ISL2: variants seen among roughly 807,000 people sequenced by gnomAD.
ISL2 encodes the protein insulin gene enhancer protein ISL-2.
Under a neutral mutation model 34.6 loss-of-function variants are expected in ISL2, and 17 were observed. That is an observed-to-expected ratio of 0.49 (90% CI 0.34 to 0.74). ISL2 has a LOEUF of 0.74. Among genes scored for constraint, ISL2 ranks in the 30% least tolerant of loss-of-function variants. ISL2 has a pLI of 0.01. For synonymous variants in ISL2, 232 were observed against 225.5 expected (o/e 1.03, Z -0.26); for missense variants, 469 against 515.2 (o/e 0.91, Z 0.87).
chr15:76,341,591 TC>T, intron 5 of ISL2, 127 bp from the exon 6 acceptor site: 1 of 746,386 alleles, frequency 1.3e-6, no homozygotes, highest in Admixed American at 2.1e-5. Flanking sequence ...GGCCTCCTTC[TC>T]CGCAGGGCTT....
At chr15:76,340,196 G>T in intron 3 of ISL2, 80 bp from the exon 4 acceptor site, 3 of 1,455,002 alleles carry the variant, frequency 2.1e-6, no homozygotes, top group Non-Finnish European at 2.7e-6. Flanking sequence ...GCCCCGGGGG[G>T]CTGGGCCACC....
intron 3 of ISL2, chr15:76,339,861 C>G: frequency 9.8e-7 from 1 of 1,016,792 alleles, no homozygotes; most frequent in Non-Finnish European, 1.2e-6. Context: ...CCTGGGTCCA[C>G]GTCGGTCCCT....
intron 3 of ISL2, 113 bp from the exon 4 acceptor site, chr15:76,340,161 CAG>C: frequency 5.6e-6 from 8 of 1,430,276 alleles, no homozygotes; most frequent in Non-Finnish European, 7.3e-6. Flanking sequence ...ACGAAACAAA[CAG>C]AATAAAACAG....
intron 4 of ISL2, among the ~76,000 whole-genome samples, chr15:76,340,911 C>T (rs1039246350): frequency 7.9e-5 from 12 of 152,266 alleles, no homozygotes; most frequent in Non-Finnish European, 1.3e-4. Flanking sequence ...CTTTCCTCAC[C>T]GGGCGGTTGG....
intron 1 of ISL2, 80 bp downstream of exon 1, chr15:76,337,021 A>C: frequency 7.8e-7 from 1 of 1,285,534 alleles, no homozygotes; most frequent in South Asian, 1.2e-5. Context: ...AAAAATGTTT[A>C]GTGGATTCTA....
At position 76,342,440 on chromosome 15, in the gene ISL2, T is replaced by C. The variant is rs1013121418; in HGVS notation, c.*605T>C. 2 of 152,338 alleles carry C rather than the reference T, an allele frequency of 1.3e-5. No homozygotes were observed. Among genetic ancestry groups the C allele is most frequent in the African/African-American group, 4.8e-5 (2 of 41,472 alleles). 9.4% of individuals were successfully genotyped at this position (152,338 alleles called of 1,614,324 possible). On this transcript the variant is annotated 3_prime_UTR_variant, in exon 6 of 6. Coordinates refer to ENST00000290759, the MANE Select transcript of ISL2 (RefSeq NM_145805.3). ...GAGAACAGCCAGTTCATAGTGGGACTTGTATTTTGATCTTAATAAAAAATA... is the reference window on the plus strand; with the variant it reads ...GAGAACAGCCAGTTCATAGTGGGACCTGTATTTTGATCTTAATAAAAAATA...
chr15:76,336,863 T>A lies in ISL2; in HGVS notation c.-21T>A, dbSNP rs752470112. 2 of 1,610,884 alleles carry A rather than the reference T, an allele frequency of 1.2e-6. No individual in the cohort carries two copies. The highest frequency in any genetic ancestry group is 2.2e-5 in the South Asian group (2 of 91,034). ...TCCTTCTGCCCCTGGCCGCACACTTTGCGCACATCTCTTTTTCTGCATGGT... is the reference window on the plus strand; with the variant it reads ...TCCTTCTGCCCCTGGCCGCACACTTAGCGCACATCTCTTTTTCTGCATGGT... On this transcript the variant is annotated 5_prime_UTR_variant, in exon 1 of 6. Coordinates refer to ENST00000290759, the MANE Select transcript of ISL2 (RefSeq NM_145805.3).
chr15:76,340,415 C>T lies in ISL2; in HGVS notation c.651C>T (p.Asp217=), dbSNP rs552886276. 1.1e-3 allele frequency: 1,838 copies of T among 1,613,762 alleles called. 37 individuals are homozygous for T. In the South Asian group the frequency reaches 0.019, roughly 16 times the overall value. The change falls in exon 4 of 6, where the codon GAC becomes GAT. Residue 217 remains aspartate, a synonymous_variant. Coordinates refer to ENST00000290759, the MANE Select transcript of ISL2 (RefSeq NM_145805.3). The part of the protein sequence containing the change: ...RTCYAANPRP[D]ALMKEQLVEM... ...GCTACGCCGCCAACCCGCGGCCCGA[C>T]GCTCTCATGAAGGAGCAGCTGGTGG...
At chr15:76,341,027 A>C in intron 4 of ISL2, 107 bp from the exon 5 acceptor site, 1 of 1,106,618 alleles carries the variant, frequency 9.0e-7, no homozygotes, top group South Asian at 1.6e-5. Context: ...CCTCCCCGCA[A>C]AGCAATGCAG....
In ISL2 at chr15:76,338,383, G is replaced by C; in HGVS notation, c.380G>C (p.Gly127Ala). 6.5e-7 allele frequency: 1 copy of C among 1,546,334 alleles called. No homozygotes were observed. Among genetic ancestry groups the C allele is most frequent in the Non-Finnish European group, 8.7e-7 (1 of 1,155,426 alleles). ...GTGTGCAGCCGCCAGCTGCTGCCTG[G>C]GGACGAGTTCTCGCTGCGGGAGCAC... ...CSVCSRQLLP[G>A]DEFSLREHEL... Residue 127 changes from glycine (G) to alanine (A), a missense_variant, in exon 3 of 6, where the codon GGG becomes GCG. Gly to Ala is a moderately conservative substitution (Grantham distance 60). Coordinates refer to ENST00000290759, the MANE Select transcript of ISL2 (RefSeq NM_145805.3).
intron 1 of ISL2, 136 bp from the exon 2 acceptor site, chr15:76,337,642 A>T: frequency 1.3e-6 from 1 of 746,270 alleles, no homozygotes; most frequent in Non-Finnish European, 2.1e-6. Context: ...TAGAGAGCTC[A>T]TCATCTTTCC....
rs1596239775 is a variant in ISL2 at position 76,338,152 on chromosome 15, G to A, written c.249-100G>A. The A allele has an allele frequency of 2.1e-6, 3 of 1,441,592 alleles. No individual in the cohort carries two copies. In the East Asian group the frequency reaches 8.8e-5, roughly 42 times the overall value. 89.3% of individuals were successfully genotyped at this position (1,441,592 alleles called of 1,614,324 possible). A position where few individuals can be genotyped will look rare whatever the true frequency, so the allele number is the denominator to read the frequency against. On this transcript the variant is annotated intron_variant, in intron 2 of 5. Transcript: ENST00000290759. Reference sequence around the variant, plus strand: ...AGGCGGGTCACCGCAGTCTCCTGGTGGCCACAAAGTGTCCTGGGCGCGCGC... The same window carrying A: ...AGGCGGGTCACCGCAGTCTCCTGGTAGCCACAAAGTGTCCTGGGCGCGCGC...
At chr15:76,338,187 A>G in intron 2 of ISL2, 65 bp from the exon 3 acceptor site, 1 of 1,499,424 alleles carries the variant, frequency 6.7e-7, no homozygotes, top group East Asian at 2.7e-5. Context: ...CCGGAGCCGT[A>G]GCAGCCAGGG....
chr15:76,339,885 G>A (rs1465429459), intron 3 of ISL2: 2 of 1,046,706 alleles, frequency 1.9e-6, no homozygotes, highest in African/African-American at 3.4e-5. Context: ...CCTCTCCAGA[G>A]TCCTGGGCAA....
chr15:76,340,003 G>C (rs975238354), intron 3 of ISL2: 3 of 1,283,032 alleles, frequency 2.3e-6, no homozygotes, highest in Non-Finnish European at 3.0e-6. Context: ...CTCCCTCCCC[G>C]CAGCGGCCTG....
At chr15:76,338,702 G>A in intron 3 of ISL2, 188 bp downstream of exon 3, 12 of 985,434 alleles carry the variant, frequency 1.2e-5, no homozygotes, top group Non-Finnish European at 1.4e-5. Context: ...GTGTGCTCGG[G>A]AGAAACTGCG....
chr15:76,340,074 G>A (rs373113996), intron 3 of ISL2: 3 of 1,399,672 alleles, frequency 2.1e-6, no homozygotes, highest in Non-Finnish European at 1.8e-6. Flanking sequence ...AGTCCGGCCC[G>A]GGAGCGAGAG....
chr15:76,337,008 C>T, intron 1 of ISL2, 67 bp downstream of exon 1: 2 of 1,410,226 alleles, frequency 1.4e-6, no homozygotes, highest in Non-Finnish European at 2.0e-6. Context: ...ATTTCTAATG[C>T]AGAAAAATGT....
rs766568110 is a variant in ISL2 at position 76,341,183 on chromosome 15, G to T, written c.845G>T (p.Arg282Leu). The T allele has an allele frequency of 2.5e-6, 4 of 1,612,648 alleles. No homozygotes were observed. Among genetic ancestry groups the T allele is most frequent in the Non-Finnish European group, 3.4e-6 (4 of 1,179,912 alleles). The change falls in exon 5 of 6, where the codon CGC becomes CTC. Residue 282 changes from arginine (R) to leucine (L), a missense_variant. This residue lies in a region of ISL2 where 169 missense variants were observed against 154.2 expected (regional missense o/e 1.10). Transcript: ENST00000290759. ...GTPLVAGSPI[R>L]HENAVQGSAV... ...CCCCTGGTGGCGGGCAGTCCCATCC[G>T]CCATGAGAACGCCGTGCAGGGCAGC...
Sources: allele counts gnomAD v4.1 joint callset (sites outside exome capture counted in the v4.1 genomes callset), GRCh38; gene constraint gnomAD v4.1.1; regional missense constraint gnomAD v4.1.1; transcripts MANE v1.5; gene names NCBI Gene and HGNC (gene_info 2026-07-23, HGNC 2026-07-21).